The following NTNG1 variants were observed in gnomAD, a reference collection of about 807,000 sequenced individuals.
NTNG1 encodes the protein netrin-G1.
A neutral mutation model predicts 54.0 loss-of-function variants in NTNG1; 16 were observed. The ratio of observed to expected loss-of-function variants is 0.30; its 90% CI spans 0.20 to 0.45. The LOEUF (loss-of-function observed/expected upper bound fraction) is 0.45. Among genes scored for constraint, NTNG1 ranks in the 20% least tolerant of loss-of-function variants. The pLI, the probability that NTNG1 is intolerant of heterozygous loss-of-function variation, is 1.00. For synonymous variants in NTNG1, 255 were observed against 263.1 expected, an observed-to-expected ratio of 0.97 and a Z score of 0.30; for missense variants, 530 against 678.7, an observed-to-expected ratio of 0.78 and a Z score of 2.43.
At chr1:107,233,248 C>G (rs961617225) in intron 2 of NTNG1, among the ~76,000 whole-genome samples, 13 of 152,274 alleles carry the variant, frequency 8.5e-5, no homozygotes, top group Admixed American at 7.9e-4. Flanking sequence ...ACTTGGTCTG[C>G]TATTTTTAAG....
In NTNG1 at chr1:107,209,504, C is replaced by A. The variant is rs113586420; in HGVS notation, c.246+60665C>A. On this transcript the variant is annotated intron_variant, in intron 2 of 7. Coordinates refer to ENST00000370068, the MANE Select transcript of NTNG1 (RefSeq NM_001113226.3). ...AAGAGAAGTCTTCTTGCATTGGCTA[C>A]TGCTTATCCTTGGCTCAGCTCTCAG... Among the ~76,000 whole-genome samples the A allele has an allele frequency of 6.4e-3, 976 of 152,288 alleles. 9 individuals carry two copies. The highest frequency in any genetic ancestry group is 0.022 in the African/African-American group (921 of 41,560).
At chr1:107,258,110 TG>T (rs1173945162) in intron 2 of NTNG1, among the ~76,000 whole-genome samples, 1 of 152,202 alleles carries the variant, frequency 6.6e-6, no homozygotes, top group Non-Finnish European at 1.5e-5. Flanking sequence ...TTGGCAGTCT[TG>T]CCCTGTGTAG....
chr1:107,462,892 G>A (rs1203890420), intron 7 of NTNG1, among the ~76,000 whole-genome samples: 2 of 152,174 alleles, frequency 1.3e-5, no homozygotes, highest in African/African-American at 2.4e-5. Flanking sequence ...GCTCAGGGAG[G>A]TCACTTGATT....
intron 2 of NTNG1, among the ~76,000 whole-genome samples, chr1:107,221,827 G>A (rs1283002189): frequency 6.6e-6 from 1 of 152,168 alleles, no homozygotes; most frequent in Admixed American, 6.6e-5. Flanking sequence ...GGAAAGTTGA[G>A]TTGGGGAATA....
chr1:107,324,190 C>A, intron 2 of NTNG1, 92 bp from the exon 3 acceptor site: 1 of 1,139,188 alleles, frequency 8.8e-7, no homozygotes, highest in Non-Finnish European at 1.3e-6. Context: ...TTTTTTTTTT[C>A]CTTTTCTAGC....
chr1:107,245,419 A>T (rs779299564), intron 2 of NTNG1, among the ~76,000 whole-genome samples: 1 of 152,248 alleles, frequency 6.6e-6, no homozygotes, highest in Non-Finnish European at 1.5e-5. Context: ...TGCTGTACAA[A>T]GAAATGAGCC....
intron 3 of NTNG1, among the ~76,000 whole-genome samples, chr1:107,361,391 A>ATATATATATATTT (rs370815306): frequency 1.1e-5 from 1 of 88,000 alleles, no homozygotes; most frequent in Non-Finnish European, 2.1e-5. Context: ...ATATATATAT[A>ATATATATATATTT]TTTTTTTTTT....
At chr1:107,259,685 C>G (rs1272830606) in intron 2 of NTNG1, among the ~76,000 whole-genome samples, 1 of 152,110 alleles carries the variant, frequency 6.6e-6, no homozygotes, top group African/African-American at 2.4e-5. Context: ...TGTTCCTCCC[C>G]CGCAAGATAA....
intron 5 of NTNG1, among the ~76,000 whole-genome samples, chr1:107,412,886 G>T (rs7541671): frequency 2.0e-5 from 3 of 152,084 alleles, no homozygotes; most frequent in African/African-American, 7.2e-5. Flanking sequence ...CCTACTCTGC[G>T]ACAGTAAACC....
At chr1:107,245,268 GA>G (rs1403697579) in intron 2 of NTNG1, among the ~76,000 whole-genome samples, 1 of 152,178 alleles carries the variant, frequency 6.6e-6, no homozygotes, top group African/African-American at 2.4e-5. Flanking sequence ...TCTTATGCTT[GA>G]AAAACCTTGA....
intron 2 of NTNG1, among the ~76,000 whole-genome samples, chr1:107,208,260 G>A (rs866571784): frequency 7.9e-5 from 12 of 151,840 alleles, no homozygotes; most frequent in African/African-American, 1.9e-4. Context: ...AGAAACCCCC[G>A]TCTCTACTAA....
intron 2 of NTNG1, among the ~76,000 whole-genome samples, chr1:107,157,203 G>A (rs866499211): frequency 1.3e-5 from 2 of 152,212 alleles, no homozygotes; most frequent in Middle Eastern, 6.8e-3. Context: ...ACTCGAATAA[G>A]TGGAAAAATA....
chr1:107,196,277 A>AT (rs1658316122), intron 2 of NTNG1, among the ~76,000 whole-genome samples: 1 of 151,934 alleles, frequency 6.6e-6, no homozygotes, highest in South Asian at 2.1e-4. Flanking sequence ...TCTGTGGGCA[A>AT]TTTACCTAGG....
At chr1:107,147,176 A>C (rs1028697279) in intron 1 of NTNG1, among the ~76,000 whole-genome samples, 42 of 152,148 alleles carry the variant, frequency 2.8e-4, no homozygotes, top group Non-Finnish European at 5.6e-4. Context: ...TCAGTTAATC[A>C]AAAGTACTTT....
chr1:107,193,253 C>T (rs1303300281), intron 2 of NTNG1, among the ~76,000 whole-genome samples: 2 of 151,988 alleles, frequency 1.3e-5, no homozygotes, highest in African/African-American at 4.8e-5. Flanking sequence ...CACTGGTCTT[C>T]TTACTTCTCA....
intron 5 of NTNG1, among the ~76,000 whole-genome samples, chr1:107,429,287 T>G (rs1462897170): frequency 3.3e-5 from 5 of 152,144 alleles, no homozygotes; most frequent in Non-Finnish European, 7.4e-5. Flanking sequence ...ATCAGCTTCC[T>G]ATTGTAGTAA....
chr1:107,258,254 T>C (rs181125716), intron 2 of NTNG1, among the ~76,000 whole-genome samples: 84 of 151,178 alleles, frequency 5.6e-4, no homozygotes, highest in African/African-American at 2.0e-3. Flanking sequence ...CTAAGAGTTG[T>C]TGGTTTTTTT....
At chr1:107,362,091 C>T (rs534450885) in intron 3 of NTNG1, among the ~76,000 whole-genome samples, 1 of 152,254 alleles carries the variant, frequency 6.6e-6, no homozygotes, top group South Asian at 2.1e-4. Context: ...ATCACAATCT[C>T]CTTGGGCATC....
chr1:107,447,037 CT>C (rs1245414695), intron 7 of NTNG1, among the ~76,000 whole-genome samples: 5 of 152,152 alleles, frequency 3.3e-5, no homozygotes, highest in African/African-American at 1.2e-4. Flanking sequence ...TATTCTTTCC[CT>C]TATTCTGCAA....
Sources: gnomAD v4.1 joint callset for allele counts (sites outside exome capture counted in the v4.1 genomes callset) on GRCh38, gnomAD v4.1.1 for gene constraint, MANE v1.5 for transcripts, NCBI Gene and HGNC (gene_info 2026-07-23, HGNC 2026-07-21) for gene names.